Variants in MOGAT1 observed in about 807,000 individuals in gnomAD.
The protein encoded by MOGAT1 is monoacylglycerol O-acyltransferase 1.
A neutral mutation model predicts 31.4 loss-of-function variants in MOGAT1; 32 were observed. The observed-to-expected ratio is 1.02, with a 90% CI of 0.77 to 1.37. The LOEUF is 1.37. MOGAT1 is among the 40% of genes most tolerant of loss of function. The probability of loss-of-function intolerance (pLI) is 0.00; values close to 1 mark genes in which losing one functional copy is unlikely to be tolerated. For synonymous variants in MOGAT1, 145 were observed against 144.5 expected (o/e 1.00, Z -0.03); for missense variants, 426 against 402.0 (o/e 1.06, Z -0.51).
At chr2:222,689,557 G>A (rs1692728160) in intron 3 of MOGAT1, 88 bp downstream of exon 3, 4 of 1,265,196 alleles carry the variant, frequency 3.2e-6, no homozygotes, top group East Asian at 2.3e-5. Context: ...GTGTGTTTAT[G>A]GTCTCTTAGA....
Position 222,689,233 on chromosome 2 carries a change from T to G in MOGAT1, c.274-32T>G, listed in dbSNP as rs528179193. ...TGGAAAATAATAAGGGAAGTTTCTT[T>G]TTTTTAAAATCTCAATATGAATGTG... On this transcript the variant is annotated intron_variant, in intron 2 of 5. Coordinates refer to ENST00000446656, the MANE Select transcript of MOGAT1 (RefSeq NM_058165.3). The G allele has an allele frequency of 6.6e-6, 10 of 1,526,642 alleles. No individual in the cohort carries two copies. The Admixed American group carries it at 1.6e-4, about 24-fold the overall frequency. 94.6% of individuals were successfully genotyped at this position (1,526,642 alleles called of 1,614,324 possible).
chr2:222,701,306 G>GAGAGAGAT (rs1692916628), intron 5 of MOGAT1, among the ~76,000 whole-genome samples: 1 of 140,506 alleles, frequency 7.1e-6, no homozygotes, highest in African/African-American at 2.9e-5. Context: ...GGAGGAGAGA[G>GAGAGAGAT]AGAGAGAGAG....
chr2:222,709,713 A>G (rs749246966), intron 5 of MOGAT1, 23 bp from the exon 6 acceptor site: 4 of 1,610,314 alleles, frequency 2.5e-6, no homozygotes, highest in East Asian at 2.2e-5. Flanking sequence ...TTCCTCACGT[A>G]TGATGTATTC....
intron 4 of MOGAT1, 107 bp from the exon 5 acceptor site, chr2:222,694,982 C>T: frequency 2.6e-6 from 2 of 763,646 alleles, no homozygotes; most frequent in Non-Finnish European, 2.0e-6. Flanking sequence ...AAGGCTTGGG[C>T]ACATTTAAAA....
rs907056135 is a variant in MOGAT1 at position 222,694,461 on chromosome 2, T to C, written c.578T>C (p.Leu193Pro). 6 of 1,613,856 alleles carry C rather than the reference T, an allele frequency of 3.7e-6. No individual in the cohort carries two copies. Among genetic ancestry groups the C allele is most frequent in the African/African-American group, 1.3e-5 (1 of 74,942 alleles). ...VIVLGGAKES[L>P]DAHPGKFTLF... ...GTCCTTGGGGGTGCAAAAGAATCAC[T>C]GGATGCTCATCCTGGAAAGTTCACT... Residue 193 changes from leucine (L) to proline (P), a missense_variant, in exon 4 of 6, where the codon CTG (leucine) becomes CCG (proline). Transcript: ENST00000446656.
At chr2:222,706,472 A>T (rs1325186291) in intron 5 of MOGAT1, among the ~76,000 whole-genome samples, 1 of 27,392 alleles carries the variant, frequency 3.7e-5, no homozygotes, top group Non-Finnish European at 8.1e-5. Flanking sequence ...AACTCTGTAT[A>T]AAAAAAAAAA....
chr2:222,696,518 G>A (rs1427909879), intron 5 of MOGAT1, among the ~76,000 whole-genome samples: 1 of 152,170 alleles, frequency 6.6e-6, no homozygotes, highest in Non-Finnish European at 1.5e-5. Context: ...GATCATTAGT[G>A]ATGTTGAGCA....
At chr2:222,681,403 T>A (rs1018079614) in intron 1 of MOGAT1, among the ~76,000 whole-genome samples, 2 of 152,194 alleles carry the variant, frequency 1.3e-5, no homozygotes, top group Non-Finnish European at 2.9e-5. Flanking sequence ...TGGCAGTTTA[T>A]TATAATGGAT....
chr2:222,689,395 G>A lies in MOGAT1; in HGVS notation c.404G>A (p.Gly135Asp). 1 of 1,613,944 alleles carries A rather than the reference G, an allele frequency of 6.2e-7. No homozygotes were observed. Among genetic ancestry groups the A allele is most frequent in the African/African-American group, 1.3e-5 (1 of 75,046 alleles). ...NYSDFKDLFP[G>D]FTSYLHVLPL... The stretch of plus-strand genomic sequence containing the variant: ...TCTGACTTCAAGGACCTGTTTCCTG[G>A]CTTTACTTCATATCTTCACGTGCTG... The change falls in exon 3 of 6, where the codon GGC (glycine) becomes GAC (aspartate). Residue 135 changes from glycine (G) to aspartate (D), a missense_variant. Coordinates refer to ENST00000446656, the MANE Select transcript of MOGAT1 (RefSeq NM_058165.3).
At chr2:222,694,978 T>G (rs1028548384) in intron 4 of MOGAT1, 111 bp from the exon 5 acceptor site, 1 of 723,376 alleles carries the variant, frequency 1.4e-6, no homozygotes, top group East Asian at 2.9e-5. Context: ...TAGGAAGGCT[T>G]GGGCACATTT....
intron 1 of MOGAT1, among the ~76,000 whole-genome samples, chr2:222,688,047 C>A (rs1228693424): frequency 6.6e-6 from 1 of 152,120 alleles, no homozygotes; most frequent in African/African-American, 2.4e-5. Context: ...TTTCCTCTAC[C>A]GATTCCTTCC....
At chr2:222,677,473 C>A (rs1023805035) in intron 1 of MOGAT1, among the ~76,000 whole-genome samples, 59 of 152,228 alleles carry the variant, frequency 3.9e-4, no homozygotes, top group African/African-American at 1.3e-3. Flanking sequence ...TTTGAAGCAG[C>A]CTTGGCATTT....
intron 1 of MOGAT1, among the ~76,000 whole-genome samples, chr2:222,674,111 G>A (rs191788371): frequency 6.6e-6 from 1 of 152,206 alleles, no homozygotes; most frequent in South Asian, 2.1e-4. Context: ...TGGCCCAGTA[G>A]TGGAAAGTCG....
At position 222,694,454 on chromosome 2, in the gene MOGAT1, G is replaced by T; in HGVS notation, c.571G>T (p.Glu191Ter). The part of the protein sequence containing the change: ...ISVIVLGGAK[E>*]SLDAHPGKFT... ...TGTCATTGTCCTTGGGGGTGCAAAAGAATCACTGGATGCTCATCCTGGAAA... is the reference window on the plus strand; with the variant it reads ...TGTCATTGTCCTTGGGGGTGCAAAATAATCACTGGATGCTCATCCTGGAAA... The change falls in exon 4 of 6, where the codon GAA (glutamate) becomes TAA (stop). Residue 191 changes from glutamate (E) to a stop codon, truncating the protein, a stop_gained. Coordinates refer to ENST00000446656, the MANE Select transcript of MOGAT1 (RefSeq NM_058165.3). LOFTEE classifies it high-confidence loss of function. The T allele has an allele frequency of 3.1e-6, 5 of 1,613,940 alleles. No homozygotes were observed. Among genetic ancestry groups the T allele is most frequent in the Non-Finnish European group, 4.2e-6 (5 of 1,179,848 alleles).
intron 1 of MOGAT1, among the ~76,000 whole-genome samples, chr2:222,681,164 A>C (rs1692574570): frequency 1.3e-5 from 2 of 152,180 alleles, no homozygotes; most frequent in South Asian, 2.1e-4. Flanking sequence ...CTCTCCAGAC[A>C]CCAACTAGGT....
chr2:222,678,030 C>T (rs1692523784), intron 1 of MOGAT1: 1 of 247,690 alleles, frequency 4.0e-6, no homozygotes, highest in Admixed American at 4.1e-5. Context: ...AAGCCCTCAC[C>T]AGTTTTGATA....
chr2:222,703,342 C>T (rs1692955750), intron 5 of MOGAT1, among the ~76,000 whole-genome samples: 1 of 152,138 alleles, frequency 6.6e-6, no homozygotes, highest in Admixed American at 6.5e-5. Context: ...TTCCTGCTTT[C>T]AGGAAGAAAA....
intron 1 of MOGAT1, chr2:222,677,633 G>T: frequency 3.2e-6 from 1 of 316,776 alleles, no homozygotes; most frequent in South Asian, 3.3e-5. Flanking sequence ...AAGAAGATGA[G>T]GGCTTTTCCT....
intron 5 of MOGAT1, among the ~76,000 whole-genome samples, chr2:222,695,869 G>A (rs906726051): frequency 1.3e-5 from 2 of 151,992 alleles, no homozygotes; most frequent in South Asian, 2.1e-4. Context: ...CATCACTGGA[G>A]CAGTGTATAC....
Sources: gnomAD v4.1 joint callset for allele counts (sites outside exome capture counted in the v4.1 genomes callset) on GRCh38, gnomAD v4.1.1 for gene constraint, MANE v1.5 for transcripts, NCBI Gene and HGNC (gene_info 2026-07-23, HGNC 2026-07-21) for gene names.